The following SCHIP1 variants were observed in gnomAD, a reference collection of about 807,000 sequenced individuals.
SCHIP1 encodes schwannomin-interacting protein 1.
In SCHIP1, 8 loss-of-function variants were observed where a neutral mutation model predicts 29.7. That is an observed-to-expected ratio of 0.27 (90% CI 0.16 to 0.49). The LOEUF is 0.49. Ranked by LOEUF, SCHIP1 falls within the 20% of genes least tolerant of loss-of-function variation. The pLI, the probability that SCHIP1 is intolerant of heterozygous loss-of-function variation, is 0.99. For synonymous variants in SCHIP1, 76 were observed against 94.9 expected, an observed-to-expected ratio of 0.80 and a Z score of 1.16; for missense variants, 193 against 294.6, an observed-to-expected ratio of 0.66 and a Z score of 2.52.
the SCHIP1 span, among the ~76,000 whole-genome samples, chr3:159,281,222 T>C: frequency 6.6e-6 from 1 of 152,194 alleles, no homozygotes; most frequent in African/African-American, 2.4e-5. Context: ...TCTTGGAACT[T>C]CATTTTGGGA....
the SCHIP1 span, among the ~76,000 whole-genome samples, chr3:159,412,020 G>T: frequency 2.5e-4 from 38 of 152,170 alleles, no homozygotes; most frequent in Non-Finnish European, 4.4e-4. Flanking sequence ...CAATTCTGAA[G>T]TACTTATTTT....
intron 2 of SCHIP1, among the ~76,000 whole-genome samples, chr3:159,883,095 G>C (rs1164478620): frequency 6.6e-6 from 1 of 152,182 alleles, no homozygotes. Context: ...AGAGCTTTCT[G>C]GGATAACCAA....
the SCHIP1 span, among the ~76,000 whole-genome samples, chr3:159,557,734 C>T: frequency 6.0e-3 from 914 of 152,308 alleles, 9 homozygotes; most frequent in African/African-American, 0.021. Flanking sequence ...AAATAGCCCC[C>T]TTAATATATC....
At chr3:159,765,214 C>T in the SCHIP1 span, 3 of 1,434,178 alleles carry the variant, frequency 2.1e-6, no homozygotes, top group Non-Finnish European at 2.8e-6. Context: ...CGCCCCCTCC[C>T]TGCGCTCCCG....
the SCHIP1 span, among the ~76,000 whole-genome samples, chr3:159,447,924 C>T: frequency 6.6e-6 from 1 of 152,044 alleles, no homozygotes; most frequent in Admixed American, 6.6e-5. Context: ...GTTACCCGTC[C>T]CTTAAGGGAT....
the SCHIP1 span, among the ~76,000 whole-genome samples, chr3:159,489,607 A>T: frequency 1.3e-5 from 2 of 152,220 alleles, no homozygotes; most frequent in Non-Finnish European, 1.5e-5. Context: ...ATACTTGTAC[A>T]TAAGAATTAC....
chr3:159,371,639 C>T, the SCHIP1 span, among the ~76,000 whole-genome samples: 1 of 152,090 alleles, frequency 6.6e-6, no homozygotes, highest in Non-Finnish European at 1.5e-5. Flanking sequence ...GGGATTGGTT[C>T]CTGGACCTAC....
chr3:159,548,583 C>A, the SCHIP1 span, among the ~76,000 whole-genome samples: 1 of 151,852 alleles, frequency 6.6e-6, no homozygotes, highest in Non-Finnish European at 1.5e-5. Context: ...ATCTCTGAAG[C>A]TCTGTTTATA....
chr3:159,397,072 C>A, the SCHIP1 span, among the ~76,000 whole-genome samples: 6 of 151,222 alleles, frequency 4.0e-5, no homozygotes, highest in Admixed American at 3.3e-4. Context: ...TCATTCATTT[C>A]ATCTTCCATT....
At chr3:159,371,070 TTA>T in the SCHIP1 span, among the ~76,000 whole-genome samples, 17 of 142,042 alleles carry the variant, frequency 1.2e-4, no homozygotes, top group Admixed American at 1.2e-3. Context: ...TCCTGATTGA[TTA>T]GAATGAGAGC....
chr3:159,282,478 A>T, the SCHIP1 span, among the ~76,000 whole-genome samples: 1 of 149,818 alleles, frequency 6.7e-6, no homozygotes, highest in Non-Finnish European at 1.5e-5. Context: ...AGAATTTTAA[A>T]TTTTTTTTTG....
the SCHIP1 span, among the ~76,000 whole-genome samples, chr3:159,526,295 A>G: frequency 5.0e-4 from 76 of 152,238 alleles, 2 homozygotes; most frequent in East Asian, 9.3e-3. Flanking sequence ...CAGCCTCACA[A>G]GTAGCTGGGA....
the SCHIP1 span, chr3:159,764,315 C>T: frequency 4.6e-5 from 54 of 1,184,262 alleles, no homozygotes; most frequent in African/African-American, 7.0e-4. This position sits in a 1 kb window ranked among gnomAD's most constrained non-coding sequence, Gnocchi z 6.1. Context: ...CCCCAGGCCT[C>T]CTTGGGGGAC....
chr3:159,421,955 T>G, the SCHIP1 span, among the ~76,000 whole-genome samples: 1 of 152,202 alleles, frequency 6.6e-6, no homozygotes, highest in Non-Finnish European at 1.5e-5. Flanking sequence ...GGAAAGAAAG[T>G]AAGTTAAGTG....
chr3:159,432,337 T>TGAGA, the SCHIP1 span, among the ~76,000 whole-genome samples: 226 of 70,596 alleles, frequency 3.2e-3, 2 homozygotes, highest in Admixed American at 0.024. Flanking sequence ...TGTGTGTGTG[T>TGAGA]GTGAGAGAGA....
the SCHIP1 span, among the ~76,000 whole-genome samples, chr3:159,635,458 T>C: frequency 1.3e-5 from 2 of 152,210 alleles, no homozygotes; most frequent in Admixed American, 6.5e-5. Flanking sequence ...TATCTATGCA[T>C]AGTGAAATAC....
chr3:159,358,586 G>A, the SCHIP1 span, among the ~76,000 whole-genome samples: 4 of 152,182 alleles, frequency 2.6e-5, no homozygotes, highest in Non-Finnish European at 5.9e-5. Context: ...TTCCCAAAAA[G>A]AGCCACACTG....
chr3:159,778,081 A>G, the SCHIP1 span, among the ~76,000 whole-genome samples: 1 of 151,980 alleles, frequency 6.6e-6, no homozygotes, highest in Non-Finnish European at 1.5e-5. Flanking sequence ...TCCCGGGTTC[A>G]GGCCACTCTC....
At chr3:159,422,390 G>C in the SCHIP1 span, among the ~76,000 whole-genome samples, 1 of 152,146 alleles carries the variant, frequency 6.6e-6, no homozygotes, top group African/African-American at 2.4e-5. Flanking sequence ...CCCGAAATAA[G>C]GGGTATCTAG....
Sources: allele counts gnomAD v4.1 joint callset (sites outside exome capture counted in the v4.1 genomes callset), GRCh38; gene constraint gnomAD v4.1.1; non-coding constraint Gnocchi (gnomAD v3.1); transcripts MANE v1.5; gene names NCBI Gene and HGNC (gene_info 2026-07-23, HGNC 2026-07-21).